Variants in NALF1 observed in about 807,000 individuals in gnomAD.
NALF1 encodes the protein family with sequence similarity 155 member A.
A neutral mutation model predicts 48.4 loss-of-function variants in NALF1; 3 were observed. The observed-to-expected ratio is 0.06, with a 90% CI of 0.03 to 0.16. The LOEUF (loss-of-function observed/expected upper bound fraction) is 0.16. Ranked by LOEUF, NALF1 falls within the 10% of genes least tolerant of loss-of-function variation. The probability of loss-of-function intolerance (pLI) is 1.00; values close to 1 mark genes in which losing one functional copy is unlikely to be tolerated. For missense variants in NALF1, 526 were observed against 571.5 expected (o/e 0.92, Z 0.81); for synonymous variants, 262 against 245.7 (o/e 1.07, Z -0.62).
At chr13:107,283,838 T>C (rs528128211) in intron 1 of NALF1, among the ~76,000 whole-genome samples, 1 of 152,032 alleles carries the variant, frequency 6.6e-6, no homozygotes, top group South Asian at 2.1e-4. Flanking sequence ...TTTTGTATTT[T>C]TAGTAGAGAC....
At chr13:107,777,446 G>A (rs1349676228) in intron 1 of NALF1, among the ~76,000 whole-genome samples, 1 of 152,186 alleles carries the variant, frequency 6.6e-6, no homozygotes, top group Non-Finnish European at 1.5e-5. Flanking sequence ...AGCCTGGTGG[G>A]AGGTGTTTGG....
chr13:107,569,843 C>T (rs989180239), intron 1 of NALF1, among the ~76,000 whole-genome samples: 2 of 152,134 alleles, frequency 1.3e-5, no homozygotes, highest in African/African-American at 2.4e-5. Context: ...AGAATTGACA[C>T]CATTAGTATA....
At chr13:107,609,113 A>T (rs1879154082) in intron 1 of NALF1, among the ~76,000 whole-genome samples, 1 of 151,348 alleles carries the variant, frequency 6.6e-6, no homozygotes, top group South Asian at 2.1e-4. Flanking sequence ...GTGCCCCAAA[A>T]CTTCCACCTC....
intron 1 of NALF1, among the ~76,000 whole-genome samples, chr13:107,737,029 T>G (rs1876487635): frequency 1.3e-5 from 2 of 152,234 alleles, no homozygotes; most frequent in Non-Finnish European, 2.9e-5. Context: ...GTGTTTTATC[T>G]GTTCAACCAA....
At chr13:107,611,208 CGTTT>C (rs1879216704) in intron 1 of NALF1, among the ~76,000 whole-genome samples, 1 of 152,100 alleles carries the variant, frequency 6.6e-6, no homozygotes. Context: ...CAAGGAAAGG[CGTTT>C]TAGTCAGAGC....
At chr13:107,430,638 T>G (rs1884363192) in intron 1 of NALF1, among the ~76,000 whole-genome samples, 1 of 152,242 alleles carries the variant, frequency 6.6e-6, no homozygotes, top group South Asian at 2.1e-4. Flanking sequence ...CTCATCATTT[T>G]TTATGGCTGC....
intron 1 of NALF1, among the ~76,000 whole-genome samples, chr13:107,277,210 G>A (rs1230199894): frequency 6.6e-6 from 1 of 152,028 alleles, no homozygotes; most frequent in African/African-American, 2.4e-5. Flanking sequence ...CTTCATAGCT[G>A]AGAATTATTT....
intron 1 of NALF1, among the ~76,000 whole-genome samples, chr13:107,776,492 C>T (rs7994647): frequency 0.062 from 9,366 of 152,144 alleles, 348 homozygotes; most frequent in African/African-American, 0.071. Flanking sequence ...CATGACAACG[C>T]GGTGAACACT....
chr13:107,562,261 A>G (rs1173362571), intron 1 of NALF1, among the ~76,000 whole-genome samples: 1 of 152,222 alleles, frequency 6.6e-6, no homozygotes, highest in Non-Finnish European at 1.5e-5. Context: ...ATTCTGTAAC[A>G]CAGGCTATTT....
chr13:107,614,331 T>C (rs950346055), intron 1 of NALF1, among the ~76,000 whole-genome samples: 4 of 152,226 alleles, frequency 2.6e-5, no homozygotes, highest in Admixed American at 2.0e-4. Flanking sequence ...ACATGTGTTC[T>C]TGTTAAACAG....
chr13:107,261,973 T>C (rs1252904465), intron 1 of NALF1, among the ~76,000 whole-genome samples: 1 of 152,174 alleles, frequency 6.6e-6, no homozygotes, highest in Non-Finnish European at 1.5e-5. Context: ...GGTATGGAAA[T>C]ATATCAGGGG....
intron 1 of NALF1, among the ~76,000 whole-genome samples, chr13:107,337,130 G>C (rs577626457): frequency 6.7e-6 from 1 of 149,248 alleles, no homozygotes; most frequent in Admixed American, 6.6e-5. Flanking sequence ...CTTCCACTTT[G>C]GAAAATGTAA....
chr13:107,501,507 T>G (rs1378830899), intron 1 of NALF1, among the ~76,000 whole-genome samples: 1 of 152,200 alleles, frequency 6.6e-6, no homozygotes, highest in Non-Finnish European at 1.5e-5. Flanking sequence ...AACAGAAGTT[T>G]TTAAAGAGAA....
chr13:107,529,522 C>A (rs1427241952), intron 1 of NALF1, among the ~76,000 whole-genome samples: 1 of 152,126 alleles, frequency 6.6e-6, no homozygotes, highest in African/African-American at 2.4e-5. Context: ...TTTCATACAA[C>A]CCTCAATATT....
chr13:107,335,448 C>T (rs1251664581), intron 1 of NALF1, among the ~76,000 whole-genome samples: 4 of 152,164 alleles, frequency 2.6e-5, no homozygotes, highest in Non-Finnish European at 5.9e-5. Flanking sequence ...AGAGAAAGCA[C>T]GTATAAGACT....
intron 1 of NALF1, among the ~76,000 whole-genome samples, chr13:107,241,311 T>C (rs1416788118): frequency 6.6e-6 from 1 of 152,056 alleles, no homozygotes; most frequent in African/African-American, 2.4e-5. Context: ...CCACCTGAAC[T>C]GAAAGGGGCC....
At chr13:107,546,121 A>G (rs1435934945) in intron 1 of NALF1, among the ~76,000 whole-genome samples, 1 of 152,022 alleles carries the variant, frequency 6.6e-6, no homozygotes, top group Non-Finnish European at 1.5e-5. Context: ...ATAGCCAACA[A>G]CCCGATAAAC....
At chr13:107,658,493 T>C (rs892977113) in intron 1 of NALF1, among the ~76,000 whole-genome samples, 11 of 152,182 alleles carry the variant, frequency 7.2e-5, no homozygotes, top group African/African-American at 2.7e-4. Context: ...TCAGGTTGAA[T>C]AATGAATTTG....
chr13:107,695,466 T>A (rs1376429106), intron 1 of NALF1, among the ~76,000 whole-genome samples: 2 of 152,180 alleles, frequency 1.3e-5, no homozygotes, highest in Non-Finnish European at 2.9e-5. Context: ...TTCAACAGGT[T>A]AATACATCCC....
Sources: gnomAD v4.1 joint callset for allele counts (sites outside exome capture counted in the v4.1 genomes callset) on GRCh38, gnomAD v4.1.1 for gene constraint, MANE v1.5 for transcripts, NCBI Gene and HGNC (gene_info 2026-07-23, HGNC 2026-07-21) for gene names.